Variants in SMURF2 observed in about 807,000 individuals in gnomAD.
The protein encoded by SMURF2 is SMAD specific E3 ubiquitin protein ligase 2, also known as E3 ubiquitin-protein ligase SMURF2.
In SMURF2, 48 loss-of-function variants were observed where a neutral mutation model predicts 109.6. The observed-to-expected ratio is 0.44, with a 90% CI of 0.35 to 0.56. The LOEUF (loss-of-function observed/expected upper bound fraction) is 0.56. SMURF2 is among the 20% of genes least tolerant of loss of function. The pLI, the probability that SMURF2 is intolerant of heterozygous loss-of-function variation, is 0.01. For missense variants in SMURF2, 575 were observed against 909.0 expected (o/e 0.63, Z 4.72); for synonymous variants, 288 against 317.1 (o/e 0.91, Z 0.97).
intron 1 of SMURF2, among the ~76,000 whole-genome samples, chr17:64,612,356 C>T (rs889586806): frequency 6.6e-6 from 1 of 152,022 alleles, no homozygotes; most frequent in Non-Finnish European, 1.5e-5. Flanking sequence ...CTCACATAAT[C>T]ATAATTTTGA....
At chr17:64,647,532 G>A (rs1334963681) in intron 1 of SMURF2, among the ~76,000 whole-genome samples, 1 of 151,946 alleles carries the variant, frequency 6.6e-6, no homozygotes, top group African/African-American at 2.4e-5. Context: ...ACAACAATTA[G>A]CCAAGCATGG....
At chr17:64,554,791 T>G in intron 15 of SMURF2, 65 bp downstream of exon 15, 1 of 1,480,556 alleles carries the variant, frequency 6.8e-7, no homozygotes, top group Non-Finnish European at 9.3e-7. Context: ...AATATTTAAG[T>G]TTGTTCATAC....
intron 14 of SMURF2, among the ~76,000 whole-genome samples, 188 bp downstream of exon 14, chr17:64,555,632 C>A (rs1243426414): frequency 6.6e-6 from 1 of 152,066 alleles, no homozygotes; most frequent in African/African-American, 2.4e-5. Context: ...AGTAGTAACA[C>A]TTGCTAAGTT....
chr17:64,617,065 TAAA>T (rs35408397), intron 1 of SMURF2, among the ~76,000 whole-genome samples: 3,598 of 47,964 alleles, frequency 0.075, 87 homozygotes, highest in African/African-American at 0.19. Flanking sequence ...AGACCTTGTC[TAAA>T]AAAAAAAAAA....
At chr17:64,546,913 G>A (rs1370331787) in intron 17 of SMURF2, among the ~76,000 whole-genome samples, 1 of 152,238 alleles carries the variant, frequency 6.6e-6, no homozygotes, top group Non-Finnish European at 1.5e-5. Flanking sequence ...GGATTTCAGC[G>A]CATGCGCTGT....
Position 64,545,958 on chromosome 17 carries a change from G to A in SMURF2, c.2148-11C>T, listed in dbSNP as rs781917877. On this transcript the variant is annotated splice_polypyrimidine_tract_variant and intron_variant, in intron 18 of 18. Coordinates refer to ENST00000262435, the MANE Select transcript of SMURF2 (RefSeq NM_022739.4). ...TCTATTCGATTGAAGCTGTGAATAA[G>A]CAAATCAAATTTTATACAGTTCATT... 6 of 1,547,044 alleles carry A rather than the reference G, an allele frequency of 3.9e-6. No homozygotes were observed. Among genetic ancestry groups the A allele is most frequent in the Non-Finnish European group, 5.4e-6 (6 of 1,118,962 alleles).
intron 2 of SMURF2, among the ~76,000 whole-genome samples, chr17:64,599,991 G>A (rs2144665492): frequency 6.6e-6 from 1 of 152,260 alleles, no homozygotes; most frequent in South Asian, 2.1e-4. Flanking sequence ...TTAAAAGTCG[G>A]GCAACAGGGC....
intron 1 of SMURF2, among the ~76,000 whole-genome samples, chr17:64,620,786 T>C (rs1555690550): frequency 1.3e-5 from 2 of 152,256 alleles, no homozygotes; most frequent in African/African-American, 2.4e-5. Context: ...CAGTTTATTA[T>C]ATAATATCTT....
intron 1 of SMURF2, among the ~76,000 whole-genome samples, chr17:64,635,187 C>T (rs1438445860): frequency 6.6e-6 from 1 of 151,850 alleles, no homozygotes; most frequent in Admixed American, 6.6e-5. Flanking sequence ...ATTAGCTGGG[C>T]GTGGTGGTGC....
intron 1 of SMURF2, among the ~76,000 whole-genome samples, chr17:64,610,251 T>C (rs1351459677): frequency 1.2e-4 from 19 of 152,268 alleles, no homozygotes; most frequent in Non-Finnish European, 2.4e-4. Flanking sequence ...GCAATTCCAT[T>C]ACTGGGTATA....
At chr17:64,557,503 C>A in intron 13 of SMURF2, 105 bp downstream of exon 13, 2 of 785,968 alleles carry the variant, frequency 2.5e-6, no homozygotes, top group South Asian at 1.8e-5. Context: ...AGTCAAAGGG[C>A]ACAACTAAGA....
chr17:64,619,833 T>C lies in SMURF2; in HGVS notation c.53-13193A>G, dbSNP rs533499345. On this transcript the variant is annotated intron_variant, in intron 1 of 18. Coordinates refer to ENST00000262435, the MANE Select transcript of SMURF2 (RefSeq NM_022739.4). ...ATACCATCACATTGGGGATTAGGCT[T>C]CAACATAGGAATATTGGGGGACACA... Among the ~76,000 whole-genome samples the C allele has an allele frequency of 5.9e-5, 9 of 152,226 alleles. No homozygotes were observed. In the South Asian group the frequency reaches 1.9e-3, roughly 32 times the overall value.
At chr17:64,632,203 C>T (rs1468976026) in intron 1 of SMURF2, among the ~76,000 whole-genome samples, 1 of 152,082 alleles carries the variant, frequency 6.6e-6, no homozygotes, top group Non-Finnish European at 1.5e-5. Flanking sequence ...AAATGATCTG[C>T]CCACCTCGAC....
Position 64,545,448 on chromosome 17 carries a change from T to A in SMURF2, c.*400A>T, listed in dbSNP as rs1968934020. 1 of 156,394 alleles carries A rather than the reference T, an allele frequency of 6.4e-6. No individual in the cohort carries two copies. The highest frequency in any genetic ancestry group is 1.9e-4 in the East Asian group (1 of 5,308). 9.7% of individuals were successfully genotyped at this position (156,394 alleles called of 1,614,324 possible). On this transcript the variant is annotated 3_prime_UTR_variant, in exon 19 of 19. Coordinates refer to ENST00000262435, the MANE Select transcript of SMURF2 (RefSeq NM_022739.4). The stretch of plus-strand genomic sequence containing the variant: ...TTCAATCAAAATGAAATGTGACTTG[T>A]ACCGACTGCTGAAGTTGTCTTGATG...
chr17:64,565,056 G>A (rs1283488409), intron 10 of SMURF2, among the ~76,000 whole-genome samples: 3 of 152,126 alleles, frequency 2.0e-5, no homozygotes, highest in East Asian at 3.8e-4. Flanking sequence ...TTTATTGTAT[G>A]TCAATATATT....
Position 64,545,856 on chromosome 17 carries a change from C to T in SMURF2, c.2239G>A (p.Val747Met), listed in dbSNP as rs141646442. 8 of 1,598,832 alleles carry T rather than the reference C, an allele frequency of 5.0e-6. No individual in the cohort carries two copies. The African/African-American group carries it at 8.1e-5, about 16-fold the overall frequency. The change falls in exon 19 of 19, where the codon GTG becomes ATG. Residue 747 changes from valine (V) to methionine (M), a missense_variant. By Grantham distance (21) the Val-to-Met change is conservative. Around this residue, in one of 5 missense-constraint regions of SMURF2, gnomAD observed 361 missense variants for 612.1 expected, o/e 0.59. Transcript: ENST00000262435. ...TAIEETCGFAVE is the reference protein window; with the variant it reads ...TAIEETCGFAME ...TAAATCCTTGAAGCTTGTCATTCCA[C>T]AGCAAATCCACATGTTTCTTCAATG...
At chr17:64,653,361 T>C (rs1019332831) in intron 1 of SMURF2, among the ~76,000 whole-genome samples, 2 of 151,898 alleles carry the variant, frequency 1.3e-5, no homozygotes, top group African/African-American at 2.4e-5. Context: ...ACCTACCAAT[T>C]AGAATGGCTA....
intron 1 of SMURF2, among the ~76,000 whole-genome samples, chr17:64,625,169 G>A (rs2144700532): frequency 6.6e-6 from 1 of 152,240 alleles, no homozygotes; most frequent in South Asian, 2.1e-4. Context: ...CCAAAGCCAG[G>A]CCACACACCT....
chr17:64,605,057 CA>C (rs1178559189), intron 2 of SMURF2, among the ~76,000 whole-genome samples: 5 of 151,020 alleles, frequency 3.3e-5, no homozygotes, highest in African/African-American at 1.2e-4. Context: ...TCAACCTTAT[CA>C]AAGGTTAAAA....
Sources: gnomAD v4.1 joint callset for allele counts (sites outside exome capture counted in the v4.1 genomes callset) on GRCh38, gnomAD v4.1.1 for gene constraint, gnomAD v4.1.1 regional missense constraint, MANE v1.5 for transcripts, NCBI Gene and HGNC (gene_info 2026-07-23, HGNC 2026-07-21) for gene names.